ORAI3: variants seen among roughly 807,000 people sequenced by gnomAD.
ORAI3 encodes the protein ORAI calcium release-activated calcium modulator 3, also known as protein orai-3.
A neutral mutation model predicts 17.2 loss-of-function variants in ORAI3; 15 were observed. The ratio of observed to expected loss-of-function variants is 0.87; its 90% confidence interval spans 0.58 to 1.34. The LOEUF is 1.34. Ranked by LOEUF, ORAI3 falls within the 40% of genes most tolerant of loss-of-function variation. The pLI is 0.00. For synonymous variants in ORAI3, 178 were observed against 172.4 expected (o/e 1.03, Z -0.25); for missense variants, 405 against 396.7 (o/e 1.02, Z -0.18).
chr16:30,949,814 A>C, intron 1 of ORAI3: 2 of 364,088 alleles, frequency 5.5e-6, no homozygotes, highest in Non-Finnish European at 5.0e-6. Flanking sequence ...AGTGGTCCAG[A>C]TGGAGCCTGT....
At chr16:30,952,303 T>G (rs2055928367) in intron 1 of ORAI3, among the ~76,000 whole-genome samples, 1 of 151,864 alleles carries the variant, frequency 6.6e-6, no homozygotes, top group African/African-American at 2.4e-5. Context: ...CCCGGCTAAT[T>G]TTTATATTTT....
At chr16:30,949,686 T>C (rs1488735516) in intron 1 of ORAI3, 169 bp downstream of exon 1, 1 of 626,416 alleles carries the variant, frequency 1.6e-6, no homozygotes, top group East Asian at 3.0e-5. Context: ...CTTACGGATG[T>C]GTGTGTACAG....
intron 1 of ORAI3, 123 bp from the exon 2 acceptor site, chr16:30,953,062 G>C (rs1341199678): frequency 5.7e-6 from 5 of 872,208 alleles, no homozygotes; most frequent in Non-Finnish European, 8.8e-6. Context: ...GAATGTCTCT[G>C]GTTTCTGCCA....
At chr16:30,950,886 C>G (rs542035419) in intron 1 of ORAI3, among the ~76,000 whole-genome samples, 1 of 152,274 alleles carries the variant, frequency 6.6e-6, no homozygotes, top group Admixed American at 6.5e-5. Flanking sequence ...GCAGAATATG[C>G]AGGTGCAGGT....
Position 30,953,757 on chromosome 16 carries a change from C to T in ORAI3, c.801C>T (p.Tyr267=), listed in dbSNP as rs2055937095. 6.2e-7 allele frequency: 1 copy of T among 1,614,140 alleles called. No individual in the cohort carries two copies. Among genetic ancestry groups the T allele is most frequent in the Admixed American group, 1.7e-5 (1 of 60,034 alleles). ...LVFVAFALHF[Y]RSLVAHKTDR... is the part of the protein sequence containing the mutation. ...TTGTGGCCTTTGCCCTGCATTTCTA[C>T]CGCTCCTTGGTGGCACACAAGACAG... is the stretch of plus-strand genomic sequence containing the variant. Residue 267 remains tyrosine, a synonymous_variant, in exon 2 of 2, where the codon TAC becomes TAT. Coordinates refer to ENST00000318663, the MANE Select transcript of ORAI3 (RefSeq NM_152288.3).
At chr16:30,950,257 C>T (rs891540291) in intron 1 of ORAI3, among the ~76,000 whole-genome samples, 1 of 152,114 alleles carries the variant, frequency 6.6e-6, no homozygotes, top group Admixed American at 6.5e-5. Context: ...CAGGCCTCCA[C>T]CCCGCTTGCA....
rs1407428371 is a variant in ORAI3, at chr16:30,954,783, G to A, written c.*939G>A. ...CTGGTCCAGGGCTGGGGTCTTTAGA[G>A]ACTGACAGCCTCTGCCCCAGGCCTG... On this transcript the variant is annotated 3_prime_UTR_variant, in exon 2 of 2. Transcript: ENST00000318663. 6.6e-6 allele frequency: 1 copy of A among 152,494 alleles called. No homozygotes were observed. The highest frequency in any genetic ancestry group is 1.5e-5 in the Non-Finnish European group (1 of 68,266). 9.4% of individuals were successfully genotyped at this position (152,494 alleles called of 1,614,324 possible). A position where few individuals can be genotyped will look rare whatever the true frequency, so the allele number is the denominator to read the frequency against.
rs1185616723 is a variant in ORAI3, at chr16:30,954,341, C to T, written c.*497C>T. 9 of 556,814 alleles carry T rather than the reference C, an allele frequency of 1.6e-5. No individual in the cohort carries two copies. The highest frequency in any genetic ancestry group is 2.9e-5 in the Non-Finnish European group (9 of 311,912). The allele number at this position is 556,814 out of a possible 1,614,324, so 34.5% of individuals were successfully genotyped here. ...CAAAAGATGCTCCCACCACAGCCTC[C>T]CAGGTAGTGAGTAGCTGGTACTACA... On this transcript the variant is annotated 3_prime_UTR_variant, in exon 2 of 2. Coordinates refer to ENST00000318663, the MANE Select transcript of ORAI3 (RefSeq NM_152288.3).
Position 30,949,514 on chromosome 16 carries a change from C to A in ORAI3, c.225C>A (p.Ala75=). The change falls in exon 1 of 2, where the codon GCC becomes GCA. Residue 75 remains alanine, a synonymous_variant. Coordinates refer to ENST00000318663, the MANE Select transcript of ORAI3 (RefSeq NM_152288.3). ...CGTCTGCCTTGCTCTCGGGCTTCGC[C>A]ATGGTGAGGGGCCGGGAGGGGTCAC... ...SRTSALLSGF[A]MVAMVEVQLE... is the part of the protein sequence containing the mutation. The A allele has an allele frequency of 7.6e-6, 12 of 1,576,060 alleles. No homozygotes were observed. The highest frequency in any genetic ancestry group is 1.0e-5 in the Non-Finnish European group (12 of 1,168,132).
intron 1 of ORAI3, among the ~76,000 whole-genome samples, chr16:30,951,805 G>A (rs543867508): frequency 7.4e-4 from 112 of 152,284 alleles, no homozygotes; most frequent in African/African-American, 2.6e-3. Flanking sequence ...CAGGCCAAGT[G>A]TGGCTAGTTC....
chr16:30,952,885 C>CA (rs1253068661), intron 1 of ORAI3, among the ~76,000 whole-genome samples: 1 of 151,708 alleles, frequency 6.6e-6, no homozygotes, highest in Non-Finnish European at 1.5e-5. Flanking sequence ...AGGTTGGTCT[C>CA]AAACTCCTGA....
At position 30,954,278 on chromosome 16, in the gene ORAI3, TAC is replaced by T. The variant is rs1227125771; in HGVS notation, c.*436_*437del. ...TGTTTCCCAGGCTGGAGTGTAGTGA[TAC>T]AGTCACAGCTCACTGTAGCCTCGAC... is the stretch of plus-strand genomic sequence containing the variant. On this transcript the variant is annotated 3_prime_UTR_variant, in exon 2 of 2. Transcript: ENST00000318663. 14 of 614,102 alleles carry T rather than the reference TAC, an allele frequency of 2.3e-5. No homozygotes were observed. In the East Asian group the frequency reaches 3.6e-4, roughly 16 times the overall value. 38.0% of individuals were successfully genotyped at this position (614,102 alleles called of 1,614,324 possible).
At position 30,953,772 on chromosome 16, in the gene ORAI3, A is replaced by T; in HGVS notation, c.816A>T (p.Ala272=). Residue 272 remains alanine, a synonymous_variant, in exon 2 of 2, where the codon GCA becomes GCT. Coordinates refer to ENST00000318663, the MANE Select transcript of ORAI3 (RefSeq NM_152288.3). ...TGCATTTCTACCGCTCCTTGGTGGC[A>T]CACAAGACAGACCGCTACAAGCAGG... ...FALHFYRSLV[A]HKTDRYKQEL... 1 of 1,614,024 alleles carries T rather than the reference A, an allele frequency of 6.2e-7. No individual in the cohort carries two copies. The highest frequency in any genetic ancestry group is 2.2e-5 in the East Asian group (1 of 44,874).
In ORAI3 at chr16:30,953,245, G is replaced by A. The variant is rs1379599039; in HGVS notation, c.289G>A (p.Ala97Thr). ...DHEYPPGLLV[A>T]FSACTTVLVA... is the part of the protein sequence containing the mutation. Reference sequence around the variant, plus strand: ...CGAGTACCCACCAGGCCTGCTGGTGGCCTTCAGTGCCTGCACCACCGTGCT... The same window carrying A: ...CGAGTACCCACCAGGCCTGCTGGTGACCTTCAGTGCCTGCACCACCGTGCT... Residue 97 changes from alanine (A) to threonine (T), a missense_variant, in exon 2 of 2, where the codon GCC becomes ACC. Ala to Thr is a moderately conservative substitution (Grantham distance 58, BLOSUM62 0). Coordinates refer to ENST00000318663, the MANE Select transcript of ORAI3 (RefSeq NM_152288.3). The A allele has an allele frequency of 1.2e-6, 2 of 1,608,362 alleles. No homozygotes were observed. Among genetic ancestry groups the A allele is most frequent in the East Asian group, 2.2e-5 (1 of 44,858 alleles).
At position 30,953,597 on chromosome 16, in the gene ORAI3, C is replaced by G; in HGVS notation, c.641C>G (p.Ser214Cys). The G allele has an allele frequency of 6.2e-7, 1 of 1,614,242 alleles. No individual in the cohort carries two copies. Among genetic ancestry groups the G allele is most frequent in the Non-Finnish European group, 8.5e-7 (1 of 1,180,036 alleles). Residue 214 changes from serine (S) to cysteine (C), a missense_variant, in exon 2 of 2, where the codon TCT becomes TGT. Coordinates refer to ENST00000318663, the MANE Select transcript of ORAI3 (RefSeq NM_152288.3). ...LSPASNLPRS[S>C]ASAAPSQAEP... ...CCAGCTTCCAATCTCCCACGGTCCTCTGCGTCTGCAGCACCGTCCCAAGCT... is the reference window on the plus strand; with the variant it reads ...CCAGCTTCCAATCTCCCACGGTCCTGTGCGTCTGCAGCACCGTCCCAAGCT...
Position 30,954,370 on chromosome 16 carries a change from G to A in ORAI3, c.*526G>A. ...GTAGTGAGTAGCTGGTACTACAGGT[G>A]TGTGCTGCCACACCCGACTAATTTT... On this transcript the variant is annotated 3_prime_UTR_variant, in exon 2 of 2. Coordinates refer to ENST00000318663, the MANE Select transcript of ORAI3 (RefSeq NM_152288.3). 2.0e-6 allele frequency: 1 copy of A among 490,448 alleles called. No homozygotes were observed. The highest frequency in any genetic ancestry group is 2.5e-5 in the South Asian group (1 of 40,324). 30.4% of individuals were successfully genotyped at this position (490,448 alleles called of 1,614,324 possible).
Position 30,949,464 on chromosome 16 carries a change from G to A in ORAI3, c.175G>A (p.Ala59Thr). Residue 59 changes from alanine (A) to threonine (T), a missense_variant, in exon 1 of 2, where the codon GCC (alanine) becomes ACC (threonine). Coordinates refer to ENST00000318663, the MANE Select transcript of ORAI3 (RefSeq NM_152288.3). ...CTGGCGCCGCCTCTACCTCAGCCGG[G>A]CCAAGCTCAAAGCTTCCAGCCGCAC... Reference protein sequence around the residue: ...LSWRRLYLSRAKLKASSRTSA... With the variant: ...LSWRRLYLSRTKLKASSRTSA... The A allele has an allele frequency of 1.2e-6, 2 of 1,607,898 alleles. No homozygotes were observed. Among genetic ancestry groups the A allele is most frequent in the Non-Finnish European group, 1.7e-6 (2 of 1,178,476 alleles).
At chr16:30,951,149 CCTT>C (rs148911991) in intron 1 of ORAI3, among the ~76,000 whole-genome samples, 179 of 152,324 alleles carry the variant, frequency 1.2e-3, no homozygotes, top group Admixed American at 2.2e-3. Flanking sequence ...TCTACACCTA[CCTT>C]CTTCTTTCCC....
intron 1 of ORAI3, among the ~76,000 whole-genome samples, chr16:30,950,355 G>A (rs1285629106): frequency 6.6e-6 from 1 of 152,214 alleles, no homozygotes; most frequent in Non-Finnish European, 1.5e-5. Context: ...TGTCAGAGCA[G>A]GTCACGTACC....
Sources: allele counts gnomAD v4.1 joint callset (sites outside exome capture counted in the v4.1 genomes callset), GRCh38; gene constraint gnomAD v4.1.1; transcripts MANE v1.5; gene names NCBI Gene and HGNC (gene_info 2026-07-23, HGNC 2026-07-21).